UBE4B: variants seen among roughly 807,000 people sequenced by gnomAD.
UBE4B encodes ubiquitin conjugation factor E4 B.
Under a neutral mutation model 148.1 loss-of-function variants are expected in UBE4B, and 27 were observed. That is an observed-to-expected ratio of 0.18 (90% CI 0.13 to 0.25). UBE4B has a LOEUF of 0.25. Among genes scored for constraint, UBE4B ranks in the 10% least tolerant of loss-of-function variants. UBE4B has a pLI of 1.00. For missense variants in UBE4B, 1,170 were observed against 1,662.4 expected (o/e 0.70, Z 5.15); for synonymous variants, 596 against 619.3 (o/e 0.96, Z 0.56).
At chr1:10,167,873 GCCA>G (rs917786864) in intron 23 of UBE4B, among the ~76,000 whole-genome samples, 1 of 152,138 alleles carries the variant, frequency 6.6e-6, no homozygotes, top group Non-Finnish European at 1.5e-5. Flanking sequence ...ACACGCGTGA[GCCA>G]CCACGCCCGG....
intron 23 of UBE4B, among the ~76,000 whole-genome samples, chr1:10,164,653 A>G (rs1225780130): frequency 1.3e-5 from 2 of 152,200 alleles, no homozygotes; most frequent in Non-Finnish European, 2.9e-5. Flanking sequence ...AAAGGCCCAA[A>G]TAATTCCCAC....
At chr1:10,048,606 A>G (rs1191482283) in intron 1 of UBE4B, among the ~76,000 whole-genome samples, 2 of 152,194 alleles carry the variant, frequency 1.3e-5, no homozygotes, top group Non-Finnish European at 2.9e-5. Context: ...TCTGGTGTCC[A>G]GGGGAAGAAA....
intron 1 of UBE4B, among the ~76,000 whole-genome samples, chr1:10,040,747 A>G (rs1034966836): frequency 2.0e-5 from 3 of 151,644 alleles, no homozygotes; most frequent in Admixed American, 6.6e-5. Flanking sequence ...CCTCCCGAGT[A>G]GCTGGGATTA....
intron 21 of UBE4B, among the ~76,000 whole-genome samples, chr1:10,154,901 G>A (rs1308812371): frequency 1.3e-5 from 2 of 151,648 alleles, no homozygotes; most frequent in African/African-American, 4.8e-5. Context: ...CAGCGCATTG[G>A]TTATTTTTGA....
At position 10,161,395 on chromosome 1, in the gene UBE4B, C is replaced by T. The variant is rs762782502; in HGVS notation, c.3198+109C>T. ...GTGGGTCTGATGATATGCGATCTGA[C>T]ATGCTGGGATTTTCCTTCCATGAAA... On this transcript the variant is annotated intron_variant, in intron 23 of 27. Transcript: ENST00000343090. This position sits in a 1 kb window ranked among gnomAD's most constrained non-coding sequence, Gnocchi z 4.1. The T allele has an allele frequency of 2.2e-5, 28 of 1,278,746 alleles. No homozygotes were observed. The highest frequency in any genetic ancestry group is 2.6e-5 in the Non-Finnish European group (25 of 951,452). The allele number at this position is 1,278,746 out of a possible 1,614,324, so 79.2% of individuals were successfully genotyped here. A position where few individuals can be genotyped will look rare whatever the true frequency, so the allele number is the denominator to read the frequency against.
chr1:10,105,861 A>G (rs567699977), intron 6 of UBE4B, 117 bp downstream of exon 6: 4 of 1,068,898 alleles, frequency 3.7e-6, no homozygotes, highest in African/African-American at 1.6e-5. Context: ...GGCATATATC[A>G]TATTTGGGGA....
chr1:10,097,978 C>T (rs1265740140), intron 3 of UBE4B, among the ~76,000 whole-genome samples: 1 of 151,870 alleles, frequency 6.6e-6, no homozygotes, highest in Non-Finnish European at 1.5e-5. Context: ...TCAAGCAATT[C>T]TCCTGCCTCA....
intron 19 of UBE4B, among the ~76,000 whole-genome samples, chr1:10,147,943 G>A (rs185936572): frequency 1.6e-3 from 237 of 152,286 alleles, no homozygotes; most frequent in Admixed American, 4.3e-3. Context: ...AAATATGTGT[G>A]TAGGCCGGGT....
intron 16 of UBE4B, among the ~76,000 whole-genome samples, chr1:10,136,670 AG>A (rs749837391): frequency 6.6e-6 from 1 of 152,164 alleles, no homozygotes; most frequent in Admixed American, 6.5e-5. Context: ...CTGTAATCCC[AG>A]CACTTTGGGA....
chr1:10,054,948 G>A (rs1644133982), intron 1 of UBE4B, among the ~76,000 whole-genome samples: 1 of 151,916 alleles, frequency 6.6e-6, no homozygotes, highest in African/African-American at 2.4e-5. Flanking sequence ...ACCATGCCCA[G>A]CTAATTTTTG....
At chr1:10,074,553 G>A (rs750666933) in intron 2 of UBE4B, among the ~76,000 whole-genome samples, 3 of 152,046 alleles carry the variant, frequency 2.0e-5, no homozygotes, top group Non-Finnish European at 4.4e-5. Context: ...GCAGTCAGGC[G>A]AGGGTTCCCG....
chr1:10,169,559 G>A (rs1646307524), intron 24 of UBE4B, among the ~76,000 whole-genome samples: 1 of 152,246 alleles, frequency 6.6e-6, no homozygotes, highest in Non-Finnish European at 1.5e-5. Flanking sequence ...CATGGAGCAT[G>A]AAACAAAACA....
chr1:10,076,000 C>T (rs1644573226), intron 2 of UBE4B, among the ~76,000 whole-genome samples: 1 of 152,070 alleles, frequency 6.6e-6, no homozygotes, highest in South Asian at 2.1e-4. Context: ...GCTGTGATCA[C>T]ACCACTGCAT....
chr1:10,072,194 C>T lies in UBE4B; in HGVS notation c.191C>T (p.Thr64Ile). 6.2e-7 allele frequency: 1 copy of T among 1,613,586 alleles called. No individual in the cohort carries two copies. The highest frequency in any genetic ancestry group is 8.5e-7 in the Non-Finnish European group (1 of 1,179,914). ...GLNVHNMTPA[T>I]SPIGASGVAH... ...AATGTCCACAACATGACCCCAGCTA[C>T]CTCCCCAATAGGTGCATCAGGTAAG... Residue 64 changes from threonine to isoleucine, a missense_variant, in exon 2 of 28, where the codon ACC (threonine) becomes ATC (isoleucine). Coordinates refer to ENST00000343090, the MANE Select transcript of UBE4B (RefSeq NM_001105562.3).
Position 10,072,724 on chromosome 1 carries a change from G to T in UBE4B, c.211+510G>T, listed in dbSNP as rs996380945. 3.1e-5 allele frequency: 14 copies of T among 454,414 alleles called. 1 individual carries two copies. In the South Asian group the frequency reaches 5.6e-4, roughly 18 times the overall value. The allele number at this position is 454,414 out of a possible 1,614,324, so 28.1% of individuals were successfully genotyped here. ...AAAAGTTTATTTCTTTATAATAAAT[G>T]AGCTGATGCTTGATATCCAGGACTG... On this transcript the variant is annotated intron_variant, in intron 2 of 27. Coordinates refer to ENST00000343090, the MANE Select transcript of UBE4B (RefSeq NM_001105562.3).
At chr1:10,108,526 A>C (rs1645160856) in intron 7 of UBE4B, among the ~76,000 whole-genome samples, 1 of 152,154 alleles carries the variant, frequency 6.6e-6, no homozygotes, top group Admixed American at 6.6e-5. Context: ...ATTGTCTTAC[A>C]ATTTTGCTCT....
chr1:10,162,101 C>T (rs1018499846), intron 23 of UBE4B, among the ~76,000 whole-genome samples: 7 of 151,598 alleles, frequency 4.6e-5, no homozygotes, highest in African/African-American at 9.7e-5. Flanking sequence ...CCGGTTGAAG[C>T]GATTTTCGTG....
chr1:10,091,026 T>C (rs763713146), intron 2 of UBE4B, among the ~76,000 whole-genome samples: 15 of 152,212 alleles, frequency 9.9e-5, no homozygotes, highest in Non-Finnish European at 1.9e-4. Flanking sequence ...TTCTCAGTTA[T>C]AGAAGTTGGA....
Position 10,095,624 on chromosome 1 carries a change from C to T in UBE4B, c.347+28C>T, listed in dbSNP as rs1212940841. The T allele has an allele frequency of 3.1e-6, 5 of 1,613,386 alleles. No homozygotes were observed. In the Admixed American group the frequency reaches 8.3e-5, roughly 27 times the overall value. ...AAAATGAAGCCAGTTTTCTAATATG[C>T]TCTTTTATTTAGGGAAAGAGAAAGA... On this transcript the variant is annotated intron_variant, in intron 3 of 27. Coordinates refer to ENST00000343090, the MANE Select transcript of UBE4B (RefSeq NM_001105562.3).
Sources: gnomAD v4.1 joint callset for allele counts (sites outside exome capture counted in the v4.1 genomes callset) on GRCh38, gnomAD v4.1.1 for gene constraint, Gnocchi (gnomAD v3.1) non-coding constraint, MANE v1.5 for transcripts, NCBI Gene and HGNC (gene_info 2026-07-23, HGNC 2026-07-21) for gene names.